Variants in KIF26B observed in about 807,000 individuals in gnomAD.
The protein encoded by KIF26B is kinesin-like protein KIF26B.
In KIF26B, 63 loss-of-function variants were observed where a neutral mutation model predicts 151.2. The ratio of observed to expected loss-of-function variants is 0.42; its 90% CI spans 0.34 to 0.51. The LOEUF (loss-of-function observed/expected upper bound fraction) is 0.51, where lower values mean the gene tolerates loss of function less well. Among genes scored for constraint, KIF26B ranks in the 20% least tolerant of loss-of-function variants. KIF26B has a pLI of 0.07. For missense variants in KIF26B, 2,813 were observed against 2,913.6 expected (o/e 0.97, Z 0.79); for synonymous variants, 1,357 against 1,262.1 (o/e 1.08, Z -1.59).
chr1:245,405,803 T>C (rs1674122354), intron 3 of KIF26B, among the ~76,000 whole-genome samples: 1 of 152,144 alleles, frequency 6.6e-6, no homozygotes, highest in African/African-American at 2.4e-5. Flanking sequence ...AAAAATTGCT[T>C]ACTGAATTGT....
chr1:245,669,956 G>C (rs2147939996), intron 10 of KIF26B, among the ~76,000 whole-genome samples: 1 of 152,204 alleles, frequency 6.6e-6, no homozygotes, highest in African/African-American at 2.4e-5. Flanking sequence ...CAAAGGCAGA[G>C]TGGAGGAATG....
At chr1:245,396,790 G>A (rs1213801369) in intron 3 of KIF26B, among the ~76,000 whole-genome samples, 1 of 152,064 alleles carries the variant, frequency 6.6e-6, no homozygotes, top group Non-Finnish European at 1.5e-5. Flanking sequence ...CTTGACACAG[G>A]GACTAACCTT....
At chr1:245,683,849 A>G (rs1203419182) in intron 10 of KIF26B, among the ~76,000 whole-genome samples, 1 of 152,142 alleles carries the variant, frequency 6.6e-6, no homozygotes, top group African/African-American at 2.4e-5. Context: ...GAAACCCTGG[A>G]GAAAGGCCAC....
At chr1:245,303,417 C>G (rs544166174) in intron 2 of KIF26B, among the ~76,000 whole-genome samples, 29 of 150,702 alleles carry the variant, frequency 1.9e-4, no homozygotes, top group Admixed American at 1.2e-3. Context: ...CCAGGATGGT[C>G]TCGATCTCCT....
intron 10 of KIF26B, among the ~76,000 whole-genome samples, chr1:245,648,917 G>A (rs887690596): frequency 6.6e-6 from 1 of 152,178 alleles, no homozygotes; most frequent in African/African-American, 2.4e-5. Flanking sequence ...CCCGTGGCCT[G>A]GTTGAGCTGT....
chr1:245,687,928 A>G lies in KIF26B; in HGVS notation c.4945A>G (p.Ser1649Gly), dbSNP rs1474869271. The change falls in exon 12 of 15, where the codon AGC becomes GGC. Residue 1649 changes from serine (S) to glycine (G), a missense_variant. Transcript: ENST00000407071. This position sits in a 1 kb window ranked among gnomAD's most constrained non-coding sequence, Gnocchi z 4.9. The part of the protein sequence containing the change: ...DEPSGKTKDA[S>G]SSSKLFSAKL... ...GCCTAGCGGCAAGACGAAGGACGCC[A>G]GCAGCAGCAGCAAGCTCTTCAGTGC... 27 of 1,588,752 alleles carry G rather than the reference A, an allele frequency of 1.7e-5. No individual in the cohort carries two copies. Among genetic ancestry groups the G allele is most frequent in the Non-Finnish European group, 2.1e-5 (24 of 1,169,544 alleles).
At position 245,375,745 on chromosome 1, in the gene KIF26B, G is replaced by C. The variant is rs1014485301; in HGVS notation, c.999+8378G>C. 5.9e-5 allele frequency among the ~76,000 whole-genome samples: 9 copies of C among 152,158 alleles called. No homozygotes were observed. The highest frequency in any genetic ancestry group is 1.0e-4 in the Non-Finnish European group (7 of 68,022). Reference sequence around the variant, plus strand: ...TGGTGAGCCTTCTGTTAACTGAAAAGCTTGGTAAGGAGAAGCGGGATGGGG... The same window carrying C: ...TGGTGAGCCTTCTGTTAACTGAAAACCTTGGTAAGGAGAAGCGGGATGGGG... On this transcript the variant is annotated intron_variant, in intron 3 of 14. Transcript: ENST00000407071. The surrounding 1 kb of genome is among the most constrained non-coding windows in gnomAD (Gnocchi z 4.2).
intron 14 of KIF26B, among the ~76,000 whole-genome samples, chr1:245,701,556 T>C (rs1298174967): frequency 1.3e-5 from 2 of 152,220 alleles, no homozygotes; most frequent in Non-Finnish European, 2.9e-5. Flanking sequence ...GAAGACACTC[T>C]GCAGACAGCG....
chr1:245,509,133 T>C (rs1030043494), intron 4 of KIF26B, among the ~76,000 whole-genome samples: 5 of 152,150 alleles, frequency 3.3e-5, no homozygotes, highest in Non-Finnish European at 5.9e-5. Context: ...TTTCCAGAAT[T>C]TGGGGACATG....
chr1:245,547,106 G>T (rs943797593), intron 5 of KIF26B, among the ~76,000 whole-genome samples: 7 of 152,248 alleles, frequency 4.6e-5, no homozygotes, highest in African/African-American at 1.7e-4. Flanking sequence ...AAGCGCAGGT[G>T]GCGCTGCCAG....
chr1:245,438,087 C>G (rs1352422498), intron 4 of KIF26B, among the ~76,000 whole-genome samples: 2 of 152,116 alleles, frequency 1.3e-5, no homozygotes, highest in Non-Finnish European at 2.9e-5. Context: ...CTTGACTTTC[C>G]ACTATGTTCT....
rs1467175642 is a variant in KIF26B, at chr1:245,423,571, A to G, written c.1166+3826A>G. Among the ~76,000 whole-genome samples, 5 of 152,296 alleles carry G rather than the reference A, an allele frequency of 3.3e-5. No homozygotes were observed. The East Asian group carries it at 9.6e-4, about 29-fold the overall frequency. On this transcript the variant is annotated intron_variant, in intron 4 of 14. Transcript: ENST00000407071. The stretch of plus-strand genomic sequence containing the variant: ...CTGTAATTTGTTTGAGAAGGTGAGT[A>G]GAATGACAATAACAAAAACAACAGA...
At chr1:245,342,727 G>C (rs550167905) in intron 2 of KIF26B, among the ~76,000 whole-genome samples, 1 of 152,256 alleles carries the variant, frequency 6.6e-6, no homozygotes, top group South Asian at 2.1e-4. Context: ...GCAAGAAGAA[G>C]GGGAGGGAGG....
chr1:245,469,130 C>T (rs915915536), intron 4 of KIF26B, among the ~76,000 whole-genome samples: 1 of 152,238 alleles, frequency 6.6e-6, no homozygotes, highest in Non-Finnish European at 1.5e-5. Flanking sequence ...TCCCTTGTTC[C>T]CTACCAGCAT....
chr1:245,675,894 T>A (rs1324096848), intron 10 of KIF26B, among the ~76,000 whole-genome samples: 2 of 152,130 alleles, frequency 1.3e-5, no homozygotes, highest in African/African-American at 4.8e-5. Context: ...TTAGAAGTTA[T>A]TAAAAAGAAG....
chr1:245,688,469 C>A lies in KIF26B; in HGVS notation c.5486C>A (p.Ala1829Glu), dbSNP rs1454409455. 1 of 1,375,324 alleles carries A rather than the reference C, an allele frequency of 7.3e-7. No homozygotes were observed. The highest frequency in any genetic ancestry group is 3.8e-5 in the Admixed American group (1 of 26,058). 85.2% of individuals were successfully genotyped at this position (1,375,324 alleles called of 1,614,324 possible). A position where few individuals can be genotyped will look rare whatever the true frequency, so the allele number is the denominator to read the frequency against. ...TTGCAGCTGCGGGCCGGGCCCGAGG[C>A]GGAGGCGCGCGGGGGGGCCCTGGCC... The part of the protein sequence containing the change: ...RGLQLRAGPE[A>E]EARGGALAED... Residue 1829 changes from alanine to glutamate, a missense_variant, in exon 12 of 15, where the codon GCG (alanine) becomes GAG (glutamate). Transcript: ENST00000407071.
At chr1:245,446,595 T>G (rs1292529473) in intron 4 of KIF26B, among the ~76,000 whole-genome samples, 1 of 152,192 alleles carries the variant, frequency 6.6e-6, no homozygotes, top group Non-Finnish European at 1.5e-5. Flanking sequence ...CATCTCCTTT[T>G]GGTCATTATG....
chr1:245,344,494 C>CAAAAA lies in KIF26B; in HGVS notation c.466-22317_466-22313dup, dbSNP rs57007301. ...TGGGTGACTGAGCTAGACTCCGTCT[C>CAAAAA]AAAAAAAAAAAAAAAAAAAAAAAAA... On this transcript the variant is annotated intron_variant, in intron 2 of 14. Coordinates refer to ENST00000407071, the MANE Select transcript of KIF26B (RefSeq NM_018012.4). Among the ~76,000 whole-genome samples, 32 of 40,008 alleles carry CAAAAA rather than the reference C, an allele frequency of 8.0e-4. No individual in the cohort carries two copies. In the South Asian group the frequency reaches 8.4e-3, roughly 10 times the overall value. 26.2% of individuals were successfully genotyped at this position (40,008 alleles called of 152,430 possible).
rs367632094 is a variant in KIF26B at position 245,698,929 on chromosome 1, C to A, written c.6070C>A (p.Arg2024Ser). 1 of 1,613,980 alleles carries A rather than the reference C, an allele frequency of 6.2e-7. No individual in the cohort carries two copies. The highest frequency in any genetic ancestry group is 1.7e-5 in the Admixed American group (1 of 60,020). The change falls in exon 14 of 15, where the codon CGC (arginine) becomes AGC (serine). Residue 2024 changes from arginine to serine, a missense_variant. Arg to Ser is a moderately radical substitution (Grantham distance 110). Coordinates refer to ENST00000407071, the MANE Select transcript of KIF26B (RefSeq NM_018012.4). The surrounding 1 kb of genome is among the most constrained non-coding windows in gnomAD (Gnocchi z 4.0). ...TGCAAAGCTGAAGATTCTGGAACAC[C>A]GCCAGCAGAGGATCGCCGAGGTCCG... ...FNAKLKILEH[R>S]QQRIAEVRAK...
Sources: gnomAD v4.1 joint callset for allele counts (sites outside exome capture counted in the v4.1 genomes callset) on GRCh38, gnomAD v4.1.1 for gene constraint, Gnocchi (gnomAD v3.1) non-coding constraint, MANE v1.5 for transcripts, NCBI Gene and HGNC (gene_info 2026-07-23, HGNC 2026-07-21) for gene names.